ADAMTS17: variants seen among roughly 807,000 people sequenced by gnomAD.
ADAMTS17 encodes A disintegrin and metalloproteinase with thrombospondin motifs 17.
Under a neutral mutation model 141.5 loss-of-function variants are expected in ADAMTS17, and 113 were observed. That is an observed-to-expected ratio of 0.80 (90% CI 0.69 to 0.93). The LOEUF is 0.93. ADAMTS17 is among the 40% of genes least tolerant of loss of function. The pLI is 0.00. For synonymous variants in ADAMTS17, 768 were observed against 630.6 expected (o/e 1.22, Z -3.27); for missense variants, 1,659 against 1,517.9 (o/e 1.09, Z -1.54).
chr15:100,198,320 C>A (rs2041197447), intron 8 of ADAMTS17, among the ~76,000 whole-genome samples: 1 of 152,034 alleles, frequency 6.6e-6, no homozygotes, highest in East Asian at 1.9e-4. Flanking sequence ...AAAGTAAAGC[C>A]ACAGATATGG....
intron 17 of ADAMTS17, 54 bp from the exon 18 acceptor site, chr15:100,049,046 G>A: frequency 1.2e-6 from 2 of 1,613,674 alleles, no homozygotes; most frequent in East Asian, 2.2e-5. Flanking sequence ...CACGTGGAAA[G>A]GCTGGGCTTG....
chr15:99,999,250 T>C (rs538759342), intron 18 of ADAMTS17, among the ~76,000 whole-genome samples: 1 of 152,280 alleles, frequency 6.6e-6, no homozygotes, highest in African/African-American at 2.4e-5. Context: ...CTGAACCATA[T>C]ATATCACCAT....
At chr15:100,288,178 A>C (rs2044509480) in intron 3 of ADAMTS17, among the ~76,000 whole-genome samples, 2 of 152,248 alleles carry the variant, frequency 1.3e-5, no homozygotes, top group Non-Finnish European at 1.5e-5. Flanking sequence ...CTACCAAGTA[A>C]ATGGAAAACA....
intron 15 of ADAMTS17, among the ~76,000 whole-genome samples, chr15:100,088,387 C>G (rs1447342929): frequency 2.0e-5 from 3 of 151,958 alleles, no homozygotes; most frequent in African/African-American, 4.8e-5. Flanking sequence ...TAGGAAGAAT[C>G]AATATTGTGA....
At chr15:100,119,383 G>GAAGTCAT (rs2037334620) in intron 12 of ADAMTS17, among the ~76,000 whole-genome samples, 2 of 152,240 alleles carry the variant, frequency 1.3e-5, no homozygotes, top group South Asian at 4.1e-4. Context: ...AACAAAACAC[G>GAAGTCAT]GACTGGAAGG....
intron 7 of ADAMTS17, among the ~76,000 whole-genome samples, chr15:100,243,800 A>AAG (rs2042901403): frequency 1.2e-5 from 1 of 85,522 alleles, no homozygotes; most frequent in South Asian, 5.5e-4. Flanking sequence ...AAAAAAAAAA[A>AAG]AAAGAAAGAA....
chr15:100,200,728 T>C (rs945673531), intron 7 of ADAMTS17, among the ~76,000 whole-genome samples: 10 of 152,170 alleles, frequency 6.6e-5, no homozygotes, highest in Non-Finnish European at 8.8e-5. Context: ...TAAATACAGC[T>C]GGACTCTGCC....
At chr15:100,005,519 G>A (rs1203720560) in intron 18 of ADAMTS17, among the ~76,000 whole-genome samples, 2 of 151,994 alleles carry the variant, frequency 1.3e-5, no homozygotes, top group African/African-American at 2.4e-5. Context: ...CAGTGGTGGG[G>A]GAGTGTTTCT....
chr15:100,143,941 A>G (rs1166559771), intron 10 of ADAMTS17, among the ~76,000 whole-genome samples: 1 of 152,222 alleles, frequency 6.6e-6, no homozygotes, highest in East Asian at 1.9e-4. Flanking sequence ...AGAGAGGACC[A>G]GTCAGAAAGA....
At chr15:100,080,868 G>C (rs1259382103) in intron 15 of ADAMTS17, among the ~76,000 whole-genome samples, 2 of 152,214 alleles carry the variant, frequency 1.3e-5, no homozygotes, top group African/African-American at 2.4e-5. Context: ...AAGGATAGCT[G>C]TAGTATGTTA....
chr15:100,226,900 C>G (rs2042328740), intron 7 of ADAMTS17, among the ~76,000 whole-genome samples: 1 of 152,130 alleles, frequency 6.6e-6, no homozygotes. Flanking sequence ...CTGTTCTGAT[C>G]TAGAAAAATG....
intron 13 of ADAMTS17, among the ~76,000 whole-genome samples, chr15:100,115,451 A>G (rs2037057430): frequency 6.6e-6 from 1 of 152,210 alleles, no homozygotes; most frequent in African/African-American, 2.4e-5. Flanking sequence ...TGTTCTTTTT[A>G]AAAAAGGACA....
At position 100,265,170 on chromosome 15, in the gene ADAMTS17, C is replaced by G. The variant is rs573171706; in HGVS notation, c.790-2735G>C. Among the ~76,000 whole-genome samples, 478 of 152,268 alleles carry G rather than the reference C, an allele frequency of 3.1e-3. 2 individuals are homozygous for G. The highest frequency in any genetic ancestry group is 0.011 in the African/African-American group (463 of 41,556). ...GCCAGGTGCCGACCACAGGCTCTGA[C>G]AAGGCTCAGAGCACAGGGCAAGGCG... is the stretch of plus-strand genomic sequence containing the variant. On this transcript the variant is annotated intron_variant, in intron 4 of 21. Transcript: ENST00000268070.
chr15:100,014,990 C>T (rs754496394), intron 18 of ADAMTS17, among the ~76,000 whole-genome samples: 3 of 151,984 alleles, frequency 2.0e-5, no homozygotes, highest in Non-Finnish European at 4.4e-5. Flanking sequence ...TTGTGTTGCT[C>T]TCTATCTCAT....
chr15:100,218,019 T>C (rs2042021694), intron 7 of ADAMTS17, among the ~76,000 whole-genome samples: 1 of 152,200 alleles, frequency 6.6e-6, no homozygotes, highest in Admixed American at 6.5e-5. Context: ...TGGCTGGGAC[T>C]ACAGGTGCAC....
intron 3 of ADAMTS17, among the ~76,000 whole-genome samples, chr15:100,284,611 G>A (rs539874949): frequency 2.0e-5 from 3 of 152,226 alleles, no homozygotes; most frequent in Admixed American, 1.3e-4. Context: ...AGGCTAGAGG[G>A]CACCTTAGCC....
chr15:100,284,242 GACACACTCTGAGTTA>G (rs2044375847), intron 3 of ADAMTS17, among the ~76,000 whole-genome samples: 1 of 152,232 alleles, frequency 6.6e-6, no homozygotes, highest in South Asian at 2.1e-4. Flanking sequence ...CGTAAAGAGT[GACACACTCTGAGTTA>G]ACACATACCC....
intron 15 of ADAMTS17, among the ~76,000 whole-genome samples, chr15:100,083,997 A>C (rs1317617719): frequency 6.6e-6 from 1 of 151,976 alleles, no homozygotes; most frequent in Non-Finnish European, 1.5e-5. Context: ...CAGTGGGTGC[A>C]GGACAGTGGG....
intron 3 of ADAMTS17, among the ~76,000 whole-genome samples, chr15:100,303,053 A>C (rs2045097431): frequency 6.6e-6 from 1 of 150,464 alleles, no homozygotes; most frequent in Admixed American, 6.6e-5. Context: ...CTATTGTGGG[A>C]CCTTATGATC....
Sources: gnomAD v4.1 joint callset for allele counts (sites outside exome capture counted in the v4.1 genomes callset) on GRCh38, gnomAD v4.1.1 for gene constraint, MANE v1.5 for transcripts, NCBI Gene and HGNC (gene_info 2026-07-23, HGNC 2026-07-21) for gene names.